Variants in USP46 observed in about 807,000 individuals in gnomAD.
The protein encoded by USP46 is ubiquitin specific peptidase 46.
A neutral mutation model predicts 44.4 loss-of-function variants in USP46; 12 were observed. The ratio of observed to expected loss-of-function variants is 0.27; its 90% confidence interval spans 0.17 to 0.44. USP46 has a LOEUF of 0.44. USP46 is among the 20% of genes least tolerant of loss of function. USP46 has a pLI of 1.00. For synonymous variants in USP46, 155 were observed against 161.5 expected (o/e 0.96, Z 0.31); for missense variants, 248 against 444.8 (o/e 0.56, Z 3.98).
At chr4:52,609,430 A>T (rs1024576443) in intron 5 of USP46, among the ~76,000 whole-genome samples, 1 of 152,210 alleles carries the variant, frequency 6.6e-6, no homozygotes, top group African/African-American at 2.4e-5. Context: ...TTAAACCATG[A>T]AAGGGGCCAA....
In USP46 at chr4:52,598,632, A is replaced by C. The variant is rs1304599843; in HGVS notation, c.995T>G (p.Val332Gly). 1 of 1,609,186 alleles carries C rather than the reference A, an allele frequency of 6.2e-7. No homozygotes were observed. Reference sequence around the variant, plus strand: ...GAGAATAATCTGCAAACCAACCTCTACAATGTCATCATCAAACAAAAGCCA... The same window carrying C: ...GAGAATAATCTGCAAACCAACCTCTCCAATGTCATCATCAAACAAAAGCCA... Reference protein sequence around the residue: ...GFWLLFDDDIVEKIDAQAIEE... With the variant: ...GFWLLFDDDIGEKIDAQAIEE... Residue 332 changes from valine to glycine, a missense_variant, in exon 8 of 9, where the codon GTA (valine) becomes GGA (glycine). Physicochemically the swap from Val to Gly is moderately radical, Grantham distance 109. Transcript: ENST00000441222.
At chr4:52,640,806 C>CAA (rs757615381) in intron 1 of USP46, among the ~76,000 whole-genome samples, 3 of 82,608 alleles carry the variant, frequency 3.6e-5, no homozygotes, top group Non-Finnish European at 7.7e-5. Flanking sequence ...AACTCCATCT[C>CAA]AAAAAAAAAA....
Position 52,604,440 on chromosome 4 carries a change from G to A in USP46, c.722+61C>T, listed in dbSNP as rs1399558096. 11 of 1,405,984 alleles carry A rather than the reference G, an allele frequency of 7.8e-6. No homozygotes were observed. The Admixed American group carries it at 1.9e-4, about 24-fold the overall frequency. 87.1% of individuals were successfully genotyped at this position (1,405,984 alleles called of 1,614,324 possible). The stretch of plus-strand genomic sequence containing the variant: ...ATTGATTCAAAGCCAACCCTGCTGG[G>A]CCCCACAGTCGGGATCCTTCTCACC... On this transcript the variant is annotated intron_variant, in intron 6 of 8. Transcript: ENST00000441222.
chr4:52,626,068 T>C lies in USP46; in HGVS notation c.511A>G (p.Ile171Val). The change falls in exon 4 of 9, where the codon ATT (isoleucine) becomes GTT (valine). Residue 171 changes from isoleucine to valine, a missense_variant. By Grantham distance (29) the Ile-to-Val change is conservative. Coordinates refer to ENST00000441222, the MANE Select transcript of USP46 (RefSeq NM_022832.4). The stretch of plus-strand genomic sequence containing the variant: ...TCATTGGTAAGCGTTCCCTGAAAAA[T>C]CTCATGGACCCAGGTGAGTTCTGGT... Reference protein sequence around the residue: ...NKPELTWVHEIFQGTLTNETR... With the variant: ...NKPELTWVHEVFQGTLTNETR... 6.2e-7 allele frequency: 1 copy of C among 1,613,888 alleles called. No homozygotes were observed. Among genetic ancestry groups the C allele is most frequent in the Non-Finnish European group, 8.5e-7 (1 of 1,179,862 alleles).
intron 1 of USP46, among the ~76,000 whole-genome samples, chr4:52,635,238 CT>C (rs1718067220): frequency 6.6e-6 from 1 of 152,222 alleles, no homozygotes; most frequent in Non-Finnish European, 1.5e-5. Flanking sequence ...TCCAGCTGCT[CT>C]TCTAAATAGC....
At chr4:52,641,551 G>A (rs1022363748) in intron 1 of USP46, among the ~76,000 whole-genome samples, 1 of 152,126 alleles carries the variant, frequency 6.6e-6, no homozygotes, top group Non-Finnish European at 1.5e-5. Flanking sequence ...TTGGTCGAGG[G>A]GTAAAGGATG....
intron 5 of USP46, among the ~76,000 whole-genome samples, chr4:52,605,261 A>C (rs1158507067): frequency 6.6e-6 from 1 of 152,126 alleles, no homozygotes; most frequent in African/African-American, 2.4e-5. Context: ...GGAGAACAAA[A>C]GCCATTGTGT....
chr4:52,633,498 C>G (rs1717993849), intron 1 of USP46, among the ~76,000 whole-genome samples: 1 of 151,920 alleles, frequency 6.6e-6, no homozygotes, highest in Admixed American at 6.6e-5. Context: ...ACAAAAATCA[C>G]TAAAAATTTT....
At chr4:52,633,973 G>A (rs1009336196) in intron 1 of USP46, among the ~76,000 whole-genome samples, 1 of 152,150 alleles carries the variant, frequency 6.6e-6, no homozygotes, top group Non-Finnish European at 1.5e-5. Context: ...CTACTCTGAG[G>A]CCAACACTTC....
chr4:52,634,584 C>T (rs992999105), intron 1 of USP46, among the ~76,000 whole-genome samples: 1 of 151,942 alleles, frequency 6.6e-6, no homozygotes, highest in African/African-American at 2.4e-5. Context: ...GCCACCATGC[C>T]CAGCTAATTT....
chr4:52,621,181 T>C (rs527397950), intron 4 of USP46, among the ~76,000 whole-genome samples: 1 of 152,272 alleles, frequency 6.6e-6, no homozygotes, highest in Admixed American at 6.5e-5. Context: ...TTTTACAGAA[T>C]GTTGATAGCA....
chr4:52,640,390 G>C (rs1483277988), intron 1 of USP46, among the ~76,000 whole-genome samples: 1 of 152,148 alleles, frequency 6.6e-6, no homozygotes, highest in African/African-American at 2.4e-5. Flanking sequence ...AAGAAGACTT[G>C]AGAGATTATA....
intron 2 of USP46, among the ~76,000 whole-genome samples, chr4:52,629,034 A>G (rs1373852518): frequency 6.6e-6 from 1 of 152,252 alleles, no homozygotes; most frequent in Non-Finnish European, 1.5e-5. Flanking sequence ...TGTTGTGCAC[A>G]ATAAAATTTA....
intron 1 of USP46, among the ~76,000 whole-genome samples, chr4:52,634,455 G>C (rs1263068006): frequency 2.1e-5 from 3 of 144,632 alleles, no homozygotes; most frequent in African/African-American, 5.1e-5. Flanking sequence ...GTTGCAGTGA[G>C]CTGAGATCAC....
chr4:52,617,549 G>A lies in USP46; in HGVS notation c.562-6932C>T, dbSNP rs377121659. On this transcript the variant is annotated intron_variant, in intron 4 of 8. Transcript: ENST00000441222. ...TTAGAGTGTGTGAAAGCACTGCTCA[G>A]AGGAATCACCCCTGCAGGGGCTATC... is the stretch of plus-strand genomic sequence containing the variant. 6.6e-5 allele frequency among the ~76,000 whole-genome samples: 10 copies of A among 152,320 alleles called. No individual in the cohort carries two copies. The East Asian group carries it at 1.7e-3, about 26-fold the overall frequency.
intron 4 of USP46, among the ~76,000 whole-genome samples, chr4:52,623,701 A>G (rs1194362222): frequency 6.6e-6 from 1 of 152,120 alleles, no homozygotes; most frequent in Non-Finnish European, 1.5e-5. Flanking sequence ...CAAAGCAGGC[A>G]GATTACTTGA....
chr4:52,614,529 A>C (rs1717049751), intron 4 of USP46, among the ~76,000 whole-genome samples: 1 of 152,202 alleles, frequency 6.6e-6, no homozygotes, highest in South Asian at 2.1e-4. Context: ...GAAAGAAAAA[A>C]ATGATTAGCC....
At chr4:52,636,509 C>A (rs541498489) in intron 1 of USP46, among the ~76,000 whole-genome samples, 41 of 151,944 alleles carry the variant, frequency 2.7e-4, no homozygotes, top group African/African-American at 8.9e-4. Context: ...AGTTCAAGAC[C>A]AGCCTGGCCA....
At chr4:52,639,908 TG>T (rs1292771692) in intron 1 of USP46, among the ~76,000 whole-genome samples, 5 of 148,944 alleles carry the variant, frequency 3.4e-5, no homozygotes, top group South Asian at 2.2e-4. Flanking sequence ...CTTGCCATGT[TG>T]TCCAGGCTGG....
Sources: gnomAD v4.1 joint callset for allele counts (sites outside exome capture counted in the v4.1 genomes callset) on GRCh38, gnomAD v4.1.1 for gene constraint, MANE v1.5 for transcripts, NCBI Gene and HGNC (gene_info 2026-07-23, HGNC 2026-07-21) for gene names.